The following TTLL11 variants were observed in gnomAD, a reference collection of about 807,000 sequenced individuals.
TTLL11 encodes the protein tubulin polyglutamylase TTLL11.
A neutral mutation model predicts 51.7 loss-of-function variants in TTLL11; 42 were observed. That is an observed-to-expected ratio of 0.81 (90% CI 0.64 to 1.05). The LOEUF (loss-of-function observed/expected upper bound fraction) is 1.05. Ranked by LOEUF, TTLL11 falls within the 50% of genes least tolerant of loss-of-function variation. TTLL11 has a pLI of 0.00. For synonymous variants in TTLL11, 381 were observed against 383.5 expected (o/e 0.99, Z 0.08); for missense variants, 799 against 940.4 (o/e 0.85, Z 1.97).
chr9:121,937,539 A>C (rs2131571552), intron 6 of TTLL11, among the ~76,000 whole-genome samples: 1 of 152,230 alleles, frequency 6.6e-6, no homozygotes, highest in East Asian at 1.9e-4. Context: ...CCAAACCATG[A>C]GTTCTTGGAG....
intron 3 of TTLL11, among the ~76,000 whole-genome samples, chr9:122,011,496 T>C (rs900264128): frequency 6.6e-6 from 1 of 152,134 alleles, no homozygotes; most frequent in Non-Finnish European, 1.5e-5. Context: ...AGTCAATATA[T>C]AAAAAATTAC....
At chr9:121,975,229 TTGA>T (rs1400026624) in intron 4 of TTLL11, among the ~76,000 whole-genome samples, 1 of 152,212 alleles carries the variant, frequency 6.6e-6, no homozygotes, top group African/African-American at 2.4e-5. Flanking sequence ...TGAAGGGCTG[TTGA>T]TGACCTCTTT....
chr9:122,081,931 G>A (rs1382101109), intron 1 of TTLL11, among the ~76,000 whole-genome samples: 2 of 152,154 alleles, frequency 1.3e-5, no homozygotes, highest in Non-Finnish European at 2.9e-5. Flanking sequence ...TTTCACAGAT[G>A]AAGCAAGACA....
At chr9:121,838,863 T>C (rs1262745173) in intron 8 of TTLL11, among the ~76,000 whole-genome samples, 1 of 150,810 alleles carries the variant, frequency 6.6e-6, no homozygotes, top group Non-Finnish European at 1.5e-5. Context: ...CACTTTAAAC[T>C]CTTCAACAAC....
At chr9:121,948,336 G>T (rs560885991) in intron 6 of TTLL11, among the ~76,000 whole-genome samples, 6 of 152,284 alleles carry the variant, frequency 3.9e-5, no homozygotes, top group African/African-American at 1.4e-4. Flanking sequence ...CTAGTCTTCG[G>T]GTATTCAGTA....
intron 8 of TTLL11, among the ~76,000 whole-genome samples, chr9:121,833,010 T>C (rs575070954): frequency 1.1e-4 from 13 of 115,770 alleles, no homozygotes; most frequent in Non-Finnish European, 1.8e-4. Flanking sequence ...CAAGTGTTAA[T>C]TACAGTCATT....
chr9:121,919,279 AG>A (rs1840440996), intron 6 of TTLL11, among the ~76,000 whole-genome samples: 1 of 152,216 alleles, frequency 6.6e-6, no homozygotes, highest in Non-Finnish European at 1.5e-5. Context: ...TAACTTCAGG[AG>A]GTTTATCCCT....
chr9:121,933,627 A>G (rs1359546627), intron 6 of TTLL11, among the ~76,000 whole-genome samples: 1 of 152,180 alleles, frequency 6.6e-6, no homozygotes, highest in Non-Finnish European at 1.5e-5. Flanking sequence ...AACAATAATA[A>G]ATCCATTATG....
chr9:121,895,180 TTC>T (rs1428715359), intron 6 of TTLL11, among the ~76,000 whole-genome samples: 1 of 152,340 alleles, frequency 6.6e-6, no homozygotes, highest in East Asian at 1.9e-4. Context: ...TTCAGAATCC[TTC>T]TCTCTTTCAT....
intron 8 of TTLL11, among the ~76,000 whole-genome samples, chr9:121,840,349 T>A (rs1407822615): frequency 6.6e-6 from 1 of 152,164 alleles, no homozygotes; most frequent in African/African-American, 2.4e-5. Context: ...TACCGATGGA[T>A]GCACAGGCTG....
In TTLL11 at chr9:121,822,581, T is replaced by C; in HGVS notation, c.*6A>G. 1 of 1,431,000 alleles carries C rather than the reference T, an allele frequency of 7.0e-7. No individual in the cohort carries two copies. The highest frequency in any genetic ancestry group is 9.2e-7 in the Non-Finnish European group (1 of 1,089,194). The allele number at this position is 1,431,000 out of a possible 1,614,324, so 88.6% of individuals were successfully genotyped here. A position where few individuals can be genotyped will look rare whatever the true frequency, so the allele number is the denominator to read the frequency against. ...TCTTCCGTTTTCCAGGAGGACAGAG[T>C]GGCCCTCAGGACAGGGTATGTCTGG... On this transcript the variant is annotated 3_prime_UTR_variant, in exon 9 of 9. Coordinates refer to ENST00000321582, the MANE Select transcript of TTLL11 (RefSeq NM_001139442.2). This position sits in a 1 kb window ranked among gnomAD's most constrained non-coding sequence, Gnocchi z 5.8.
At chr9:122,059,260 G>A (rs1845377649) in intron 1 of TTLL11, among the ~76,000 whole-genome samples, 1 of 152,164 alleles carries the variant, frequency 6.6e-6, no homozygotes. Flanking sequence ...TAGCTACTGA[G>A]CTAAGTGCTG....
At chr9:121,916,340 A>G (rs1487835384) in intron 6 of TTLL11, among the ~76,000 whole-genome samples, 1 of 152,202 alleles carries the variant, frequency 6.6e-6, no homozygotes, top group Non-Finnish European at 1.5e-5. Flanking sequence ...CAGTATCACT[A>G]AGAAGGGTTA....
rs1836577555 is a variant in TTLL11 at position 121,821,515 on chromosome 9, C to T, written c.*1072G>A. ...CTTGGCTTTGCCAGGTCCTGCCTGC[C>T]TGTCTTCAATAGGCCCTGGACCTTG... On this transcript the variant is annotated 3_prime_UTR_variant, in exon 9 of 9. Transcript: ENST00000321582. The surrounding 1 kb of genome is among the most constrained non-coding windows in gnomAD (Gnocchi z 5.0). 6.6e-6 allele frequency among the ~76,000 whole-genome samples: 1 copy of T among 152,166 alleles called. No homozygotes were observed. Among genetic ancestry groups the T allele is most frequent in the Non-Finnish European group, 1.5e-5 (1 of 68,026 alleles).
intron 6 of TTLL11, among the ~76,000 whole-genome samples, chr9:121,882,946 G>C (rs780621950): frequency 6.6e-6 from 1 of 151,964 alleles, no homozygotes; most frequent in Non-Finnish European, 1.5e-5. Flanking sequence ...ATCCATTTTT[G>C]TTCTTCTGGC....
At chr9:121,825,730 G>C (rs1351593211) in intron 8 of TTLL11, among the ~76,000 whole-genome samples, 8 of 152,004 alleles carry the variant, frequency 5.3e-5, no homozygotes. Flanking sequence ...GAATGGCAAG[G>C]ATCTAGCCAC....
At chr9:121,922,223 C>T (rs578015342) in intron 6 of TTLL11, among the ~76,000 whole-genome samples, 4 of 152,268 alleles carry the variant, frequency 2.6e-5, no homozygotes, top group South Asian at 2.1e-4. Context: ...ATAAGAATGT[C>T]GCCCTTGTCT....
At chr9:121,918,119 G>A (rs574622991) in intron 6 of TTLL11, among the ~76,000 whole-genome samples, 1 of 152,180 alleles carries the variant, frequency 6.6e-6, no homozygotes, top group African/African-American at 2.4e-5. Flanking sequence ...AGGGTGTGGG[G>A]TGTATCAGAT....
intron 6 of TTLL11, among the ~76,000 whole-genome samples, chr9:121,956,897 G>A (rs1298472993): frequency 6.6e-6 from 1 of 152,208 alleles, no homozygotes; most frequent in Non-Finnish European, 1.5e-5. Context: ...CAGGCTCCAA[G>A]GTTCTGCATC....
Sources: allele counts gnomAD v4.1 joint callset (sites outside exome capture counted in the v4.1 genomes callset), GRCh38; gene constraint gnomAD v4.1.1; non-coding constraint Gnocchi (gnomAD v3.1); transcripts MANE v1.5; gene names NCBI Gene and HGNC (gene_info 2026-07-23, HGNC 2026-07-21).